The following SLC25A26 variants were observed in gnomAD, a reference collection of about 807,000 sequenced individuals.
SLC25A26 encodes the protein solute carrier family 25 member 26.
SLC25A26 carries 36 observed loss-of-function variants against 37.8 expected under a neutral mutation model. The observed-to-expected ratio is 0.95, with a 90% CI of 0.73 to 1.26. The LOEUF is 1.26. SLC25A26 is among the 50% of genes most tolerant of loss of function. The pLI is 0.00. For missense variants in SLC25A26, 390 were observed against 331.1 expected (o/e 1.18, Z -1.38); for synonymous variants, 129 against 122.5 (o/e 1.05, Z -0.35).
intron 1 of SLC25A26, among the ~76,000 whole-genome samples, chr3:66,231,476 T>A: frequency 6.6e-6 from 1 of 152,252 alleles, no homozygotes; most frequent in Middle Eastern, 3.4e-3. Flanking sequence ...GTTTAAAAAA[T>A]TAATAATTCT....
chr3:66,192,161 C>G (rs2070955293), intron 1 of SLC25A26, among the ~76,000 whole-genome samples: 1 of 151,598 alleles, frequency 6.6e-6, no homozygotes, highest in Non-Finnish European at 1.5e-5. Context: ...ACTAAAAATA[C>G]AAAAATTAGC....
At chr3:66,351,030 C>T (rs2076441955) in intron 6 of SLC25A26, among the ~76,000 whole-genome samples, 1 of 152,112 alleles carries the variant, frequency 6.6e-6, no homozygotes, top group African/African-American at 2.4e-5. Flanking sequence ...GCCTTAACCC[C>T]TTCAATTTAC....
intron 5 of SLC25A26, among the ~76,000 whole-genome samples, chr3:66,302,073 C>T (rs2075092022): frequency 6.6e-6 from 1 of 152,158 alleles, no homozygotes; most frequent in South Asian, 2.1e-4. Flanking sequence ...ACTAGCAGCT[C>T]CTCTGAAACT....
chr3:66,326,651 G>A (rs570740547), intron 5 of SLC25A26, among the ~76,000 whole-genome samples: 3 of 152,178 alleles, frequency 2.0e-5, no homozygotes, highest in African/African-American at 7.2e-5. Context: ...CTGGGTTCCC[G>A]AGAAGCAGGA....
intron 5 of SLC25A26, among the ~76,000 whole-genome samples, chr3:66,274,426 T>C (rs1345537195): frequency 2.0e-5 from 3 of 151,992 alleles, no homozygotes; most frequent in Non-Finnish European, 4.4e-5. Context: ...AAAGAGCTTC[T>C]GCACAGCAAA....
chr3:66,328,912 G>T (rs1194870180), intron 5 of SLC25A26, among the ~76,000 whole-genome samples: 1 of 152,102 alleles, frequency 6.6e-6, no homozygotes, highest in Non-Finnish European at 1.5e-5. Flanking sequence ...GTGATTTACA[G>T]TATTATTTTC....
At chr3:66,192,378 G>T (rs2070962615) in intron 1 of SLC25A26, among the ~76,000 whole-genome samples, 2 of 149,996 alleles carry the variant, frequency 1.3e-5, no homozygotes, top group Admixed American at 1.3e-4. Context: ...CGACCCTCCA[G>T]CATGCGAGGG....
intron 5 of SLC25A26, among the ~76,000 whole-genome samples, chr3:66,322,898 C>G (rs951442877): frequency 4.6e-5 from 7 of 151,576 alleles, no homozygotes; most frequent in Admixed American, 4.6e-4. Context: ...GTTTTGTGAT[C>G]AAGTGGGAGC....
exon 1 of SLC25A26, chr3:66,133,676 C>T (rs2069904192): frequency 6.6e-6 from 1 of 152,146 alleles, no homozygotes; most frequent in African/African-American, 2.4e-5. Flanking sequence ...AGTGGTTTTC[C>T]AAAAGCTGTA....
At chr3:66,208,732 A>G (rs1214709699) in intron 1 of SLC25A26, among the ~76,000 whole-genome samples, 1 of 146,884 alleles carries the variant, frequency 6.8e-6, no homozygotes, top group Non-Finnish European at 1.5e-5. Context: ...ATATATATAC[A>G]CATTTATATG....
chr3:66,138,770 G>T (rs1476611315), intron 1 of SLC25A26, among the ~76,000 whole-genome samples: 1 of 152,056 alleles, frequency 6.6e-6, no homozygotes, highest in African/African-American at 2.4e-5. Flanking sequence ...CCTGGATACG[G>T]GCATCGGTTC....
At chr3:66,245,263 A>C (rs1037348680) in intron 3 of SLC25A26, among the ~76,000 whole-genome samples, 60 of 151,898 alleles carry the variant, frequency 4.0e-4, no homozygotes, top group African/African-American at 8.4e-4. Flanking sequence ...AAAAAAAAAA[A>C]AAAACAAAAC....
intron 5 of SLC25A26, among the ~76,000 whole-genome samples, chr3:66,325,453 TCA>T (rs2075813825): frequency 6.6e-6 from 1 of 152,208 alleles, no homozygotes; most frequent in Admixed American, 6.5e-5. Flanking sequence ...CTTGCCTAGT[TCA>T]CAGTCTGGTA....
Position 66,221,067 on chromosome 3 carries a change from T to C in SLC25A26, c.-28T>C, listed in dbSNP as rs782107044. ...TGATCCGCTTCTGCTCCGGCTTGGA[T>C]TGTAGCCTTGACGAGGTCTGAGCGA... On this transcript the variant is annotated 5_prime_UTR_variant, in exon 1 of 10. Coordinates refer to ENST00000354883, the MANE Select transcript of SLC25A26 (RefSeq NM_001379210.1). 1.9e-4 allele frequency: 296 copies of C among 1,535,310 alleles called. 1 individual carries two copies. The highest frequency in any genetic ancestry group is 2.0e-4 in the Admixed American group (10 of 50,850).
chr3:66,168,635 T>C (rs1449888777), intron 1 of SLC25A26, among the ~76,000 whole-genome samples: 1 of 152,176 alleles, frequency 6.6e-6, no homozygotes, highest in Non-Finnish European at 1.5e-5. Context: ...GTGTTTGGAA[T>C]ATAATTTAGA....
chr3:66,304,229 C>A (rs1278271551), intron 5 of SLC25A26, among the ~76,000 whole-genome samples: 1 of 152,186 alleles, frequency 6.6e-6, no homozygotes, highest in Non-Finnish European at 1.5e-5. Context: ...TTGTCTTTGT[C>A]CTGTTCACGG....
chr3:66,325,299 G>C (rs1161926424), intron 5 of SLC25A26, among the ~76,000 whole-genome samples: 1 of 152,126 alleles, frequency 6.6e-6, no homozygotes, highest in African/African-American at 2.4e-5. Flanking sequence ...AGCTTAATGA[G>C]GTTTTGTAGA....
intron 5 of SLC25A26, among the ~76,000 whole-genome samples, chr3:66,312,797 A>G (rs890827361): frequency 7.9e-5 from 12 of 151,998 alleles, no homozygotes; most frequent in African/African-American, 2.9e-4. Flanking sequence ...GCAACACCCC[A>G]CCCTGCATCT....
At chr3:66,320,394 C>G (rs1043502887) in intron 5 of SLC25A26, among the ~76,000 whole-genome samples, 2 of 152,148 alleles carry the variant, frequency 1.3e-5, no homozygotes, top group African/African-American at 4.8e-5. Context: ...TCACTTAGCT[C>G]AGTGTTTTTA....
Sources: allele counts gnomAD v4.1 joint callset (sites outside exome capture counted in the v4.1 genomes callset), GRCh38; gene constraint gnomAD v4.1.1; transcripts MANE v1.5; gene names NCBI Gene and HGNC (gene_info 2026-07-23, HGNC 2026-07-21).